Variants in LHPP observed in about 807,000 individuals in gnomAD.
The protein encoded by LHPP is hLHPP.
Under a neutral mutation model 30.3 loss-of-function variants are expected in LHPP, and 24 were observed. The observed-to-expected ratio is 0.79, with a 90% CI of 0.57 to 1.11. The LOEUF is 1.11. Among genes scored for constraint, LHPP ranks in the 50% most tolerant of loss-of-function variants. The pLI is 0.00. For synonymous variants in LHPP, 150 were observed against 157.1 expected, an observed-to-expected ratio of 0.95 and a Z score of 0.34; for missense variants, 356 against 367.2, an observed-to-expected ratio of 0.97 and a Z score of 0.25.
Position 124,610,003 on chromosome 10 carries a change from T to C in LHPP, c.717-3261T>C, listed in dbSNP as rs533972922. ...GGTGAACGTGAGGATGCATTTCTGCTGTGTACATACTTAGGAGTGGGACTG... is the reference window on the plus strand; with the variant it reads ...GGTGAACGTGAGGATGCATTTCTGCCGTGTACATACTTAGGAGTGGGACTG... On this transcript the variant is annotated intron_variant, in intron 6 of 6. Coordinates refer to ENST00000368842, the MANE Select transcript of LHPP (RefSeq NM_022126.4). Among the ~76,000 whole-genome samples the C allele has an allele frequency of 1.8e-4, 28 of 152,334 alleles. No individual in the cohort carries two copies. The South Asian group carries it at 5.8e-3, about 32-fold the overall frequency.
chr10:124,572,737 G>A (rs1280470163), intron 6 of LHPP, among the ~76,000 whole-genome samples: 10 of 141,832 alleles, frequency 7.1e-5, no homozygotes, highest in African/African-American at 2.6e-4. Context: ...AGGGAGGGAG[G>A]AAGAGGGGAG....
intron 5 of LHPP, among the ~76,000 whole-genome samples, chr10:124,514,895 G>A (rs904853479): frequency 3.3e-5 from 5 of 151,650 alleles, no homozygotes; most frequent in East Asian, 3.9e-4. Flanking sequence ...TCAAACTCCC[G>A]GGCTCAAGTG....
chr10:124,556,047 C>T (rs1283900405), intron 6 of LHPP, among the ~76,000 whole-genome samples: 1 of 152,192 alleles, frequency 6.6e-6, no homozygotes, highest in African/African-American at 2.4e-5. Flanking sequence ...TACAGCCTTG[C>T]AAAGGCCACA....
rs10430737 is a variant in LHPP at position 124,590,079 on chromosome 10, T to C, written c.717-23185T>C. The stretch of plus-strand genomic sequence containing the variant: ...TGATTGACTGGCTTTGCAGGTTTTT[T>C]ATCCATCGTTCTTTCCAAAGAATAG... On this transcript the variant is annotated intron_variant, in intron 6 of 6. Transcript: ENST00000368842. This position sits in a 1 kb window ranked among gnomAD's most constrained non-coding sequence, Gnocchi z 4.3. 0.62 allele frequency among the ~76,000 whole-genome samples: 93,922 copies of C among 152,078 alleles called. 29,233 individuals carry two copies. Among genetic ancestry groups the C allele is most frequent in the East Asian group, 0.68 (3,500 of 5,176 alleles).
intron 6 of LHPP, among the ~76,000 whole-genome samples, chr10:124,551,781 G>A (rs926262427): frequency 6.6e-6 from 1 of 152,108 alleles, no homozygotes; most frequent in Non-Finnish European, 1.5e-5. Flanking sequence ...TCCACCTGCC[G>A]GCCTTGGGGA....
chr10:124,599,614 T>C (rs1018968464), intron 6 of LHPP, among the ~76,000 whole-genome samples: 1 of 152,234 alleles, frequency 6.6e-6, no homozygotes, highest in Non-Finnish European at 1.5e-5. Flanking sequence ...AAGTCCCACG[T>C]GTCACTGGAA....
At chr10:124,495,743 T>C (rs968586779) in intron 3 of LHPP, among the ~76,000 whole-genome samples, 1 of 151,828 alleles carries the variant, frequency 6.6e-6, no homozygotes, top group Admixed American at 6.5e-5. Flanking sequence ...TGTGTCAGCC[T>C]GGGTGAAAGG....
chr10:124,605,329 G>GTT (rs1157563163), intron 6 of LHPP: 1 of 144,952 alleles, frequency 6.9e-6, no homozygotes, highest in Non-Finnish European at 1.5e-5. Flanking sequence ...CTGTGGGGGG[G>GTT]ACCACCGAGG....
intron 6 of LHPP, among the ~76,000 whole-genome samples, chr10:124,586,596 G>A (rs188467704): frequency 2.0e-5 from 3 of 152,320 alleles, no homozygotes; most frequent in Admixed American, 6.5e-5. Flanking sequence ...CAGTGTCTGT[G>A]CAGGTCCAGG....
chr10:124,476,649 G>A (rs1258622766), intron 1 of LHPP, among the ~76,000 whole-genome samples: 1 of 152,200 alleles, frequency 6.6e-6, no homozygotes, highest in Non-Finnish European at 1.5e-5. Context: ...GGCACGGGGT[G>A]GGCTCATGCG....
intron 6 of LHPP, among the ~76,000 whole-genome samples, chr10:124,581,768 TACAC>T (rs59904986): frequency 0.41 from 40,776 of 100,660 alleles, 5,572 homozygotes; most frequent in African/African-American, 0.48. Context: ...TATATGTATA[TACAC>T]ACACACACAC....
chr10:124,492,601 G>A (rs1258778764), intron 3 of LHPP, among the ~76,000 whole-genome samples: 1 of 152,220 alleles, frequency 6.6e-6, no homozygotes, highest in Non-Finnish European at 1.5e-5. Flanking sequence ...CGATTTAAAT[G>A]TTAATCTCAT....
At chr10:124,570,804 C>T (rs1948573395) in intron 6 of LHPP, among the ~76,000 whole-genome samples, 1 of 152,216 alleles carries the variant, frequency 6.6e-6, no homozygotes, top group Non-Finnish European at 1.5e-5. Flanking sequence ...CAGAGTTTCA[C>T]TTCTTTTTGT....
In LHPP at chr10:124,498,061, T is replaced by C. The variant is rs1309201353; in HGVS notation, c.557T>C (p.Val186Ala). Reference protein sequence around the residue: ...LEYACGIKAEVVGKPSPEFFK... With the variant: ...LEYACGIKAEAVGKPSPEFFK... ...TATGCCTGTGGCATCAAAGCCGAGG[T>C]GGTGGGGAAGCCTTCTCCTGAGTTT... The change falls in exon 5 of 7, where the codon GTG (valine) becomes GCG (alanine). Residue 186 changes from valine to alanine, a missense_variant. Val to Ala is a moderately conservative substitution (Grantham distance 64). Transcript: ENST00000368842. 2.5e-6 allele frequency: 4 copies of C among 1,614,062 alleles called. No homozygotes were observed. In the South Asian group the frequency reaches 3.3e-5, roughly 13 times the overall value.
In LHPP at chr10:124,495,010, C is replaced by T. The variant is rs552548615; in HGVS notation, c.468-1951C>T. 2.0e-5 allele frequency among the ~76,000 whole-genome samples: 3 copies of T among 152,318 alleles called. No homozygotes were observed. The South Asian group carries it at 6.2e-4, about 32-fold the overall frequency. On this transcript the variant is annotated intron_variant, in intron 3 of 6. Coordinates refer to ENST00000368842, the MANE Select transcript of LHPP (RefSeq NM_022126.4). ...CTCACTGTTTCCTGAGAACTCTGGA[C>T]CCCACTAAGGAAACCATCAGACCAA...
intron 1 of LHPP, among the ~76,000 whole-genome samples, chr10:124,483,493 C>T (rs1035257785): frequency 2.0e-5 from 3 of 152,086 alleles, no homozygotes; most frequent in African/African-American, 7.2e-5. Flanking sequence ...GGCAGGTGGG[C>T]CAGGCACGGT....
At chr10:124,560,554 TCTC>T (rs1241688987) in intron 6 of LHPP, among the ~76,000 whole-genome samples, 8 of 152,196 alleles carry the variant, frequency 5.3e-5, no homozygotes, top group Non-Finnish European at 1.2e-4. Flanking sequence ...GGCCTCTTGT[TCTC>T]CTCCCTGTCA....
At chr10:124,589,457 T>C (rs1315412247) in intron 6 of LHPP, among the ~76,000 whole-genome samples, 1 of 152,244 alleles carries the variant, frequency 6.6e-6, no homozygotes, top group African/African-American at 2.4e-5. Flanking sequence ...GCCATGGAGT[T>C]GCTTAGATGT....
At position 124,593,743 on chromosome 10, in the gene LHPP, A is replaced by G. The variant is rs185676241; in HGVS notation, c.717-19521A>G. Among the ~76,000 whole-genome samples the G allele has an allele frequency of 4.2e-4, 64 of 152,342 alleles. No individual in the cohort carries two copies. Among genetic ancestry groups the G allele is most frequent in the African/African-American group, 1.5e-3 (64 of 41,586 alleles). Reference sequence around the variant, plus strand: ...CGAGGACCAGCTCTGGGCAGTCTCCAGGTCATGCGCGTTTGACGCAGGAGG... The same window carrying G: ...CGAGGACCAGCTCTGGGCAGTCTCCGGGTCATGCGCGTTTGACGCAGGAGG... On this transcript the variant is annotated intron_variant, in intron 6 of 6. Coordinates refer to ENST00000368842, the MANE Select transcript of LHPP (RefSeq NM_022126.4). The surrounding 1 kb of genome is among the most constrained non-coding windows in gnomAD (Gnocchi z 4.9).
Sources: gnomAD v4.1 joint callset for allele counts (sites outside exome capture counted in the v4.1 genomes callset) on GRCh38, gnomAD v4.1.1 for gene constraint, Gnocchi (gnomAD v3.1) non-coding constraint, MANE v1.5 for transcripts, NCBI Gene and HGNC (gene_info 2026-07-23, HGNC 2026-07-21) for gene names.